The following TSHZ3 variants were observed in gnomAD, a reference collection of about 807,000 sequenced individuals.
The protein encoded by TSHZ3 is teashirt zinc finger homeobox 3.
In TSHZ3, 10 loss-of-function variants were observed where a neutral mutation model predicts 64.5. The ratio of observed to expected loss-of-function variants is 0.16; its 90% CI spans 0.10 to 0.26. The LOEUF is 0.26. Ranked by LOEUF, TSHZ3 falls within the 10% of genes least tolerant of loss-of-function variation. The probability of loss-of-function intolerance (pLI) is 1.00; values close to 1 mark genes in which losing one functional copy is unlikely to be tolerated. For missense variants in TSHZ3, 1,242 were observed against 1,421.7 expected, an observed-to-expected ratio of 0.87 and a Z score of 2.03; for synonymous variants, 608 against 593.1, an observed-to-expected ratio of 1.03 and a Z score of -0.36.
chr19:31,237,624 T>C (rs1975636277), intron 3 of TSHZ3, among the ~76,000 whole-genome samples: 1 of 152,190 alleles, frequency 6.6e-6, no homozygotes, highest in Non-Finnish European at 1.5e-5. Flanking sequence ...CTTATTTATA[T>C]TAATTCTGTC....
At chr19:31,248,619 C>CAAA (rs35503682) in intron 1 of TSHZ3, among the ~76,000 whole-genome samples, 38,448 of 142,386 alleles carry the variant, frequency 0.27, 6,118 homozygotes, top group African/African-American at 0.44. Context: ...TTATTTCTAC[C>CAAA]AAAAAAAAAA....
chr19:31,164,469 C>T (rs1333106637), intron 5 of TSHZ3, among the ~76,000 whole-genome samples: 3 of 152,198 alleles, frequency 2.0e-5, no homozygotes, highest in Non-Finnish European at 4.4e-5. Context: ...CAGCCACCTA[C>T]AGCCTAGCAC....
At chr19:31,238,489 C>T (rs1975648704) in intron 3 of TSHZ3, among the ~76,000 whole-genome samples, 1 of 152,210 alleles carries the variant, frequency 6.6e-6, no homozygotes, top group East Asian at 1.9e-4. Context: ...CTCCTGACCT[C>T]GAGTGATCTG....
rs573732780 is a variant in TSHZ3, at chr19:31,346,258, C to A, written c.40+2922G>T. On this transcript the variant is annotated intron_variant, in intron 1 of 1. Transcript: ENST00000240587. ...TTGTGGTTGTTATTCTACCCTAGACCATTAAAAGGGCCCTAATTCCTATGA... is the reference window on the plus strand; with the variant it reads ...TTGTGGTTGTTATTCTACCCTAGACAATTAAAAGGGCCCTAATTCCTATGA... 5.3e-5 allele frequency among the ~76,000 whole-genome samples: 8 copies of A among 152,248 alleles called. 1 individual carries two copies. The South Asian group carries it at 1.7e-3, about 32-fold the overall frequency.
chr19:31,167,347 G>A (rs774630329), intron 5 of TSHZ3, among the ~76,000 whole-genome samples: 4 of 152,134 alleles, frequency 2.6e-5, no homozygotes, highest in Non-Finnish European at 4.4e-5. Flanking sequence ...CTTCAAATCT[G>A]AGAGATTGAA....
intron 1 of TSHZ3, chr19:31,308,747 C>A (rs1916368882): frequency 5.0e-6 from 2 of 398,614 alleles, no homozygotes; most frequent in Non-Finnish European, 8.8e-6. Context: ...CCGTCTAAGA[C>A]CCCTGCTGAA....
chr19:31,341,282 T>C (rs1482573465), intron 1 of TSHZ3, among the ~76,000 whole-genome samples: 3 of 152,184 alleles, frequency 2.0e-5, no homozygotes, highest in South Asian at 2.1e-4. Flanking sequence ...ATGTACATAA[T>C]GTACATGTGT....
At chr19:31,297,376 A>G (rs1976681547) in intron 1 of TSHZ3, among the ~76,000 whole-genome samples, 1 of 152,172 alleles carries the variant, frequency 6.6e-6, no homozygotes, top group Non-Finnish European at 1.5e-5. Flanking sequence ...TGAAGACTGA[A>G]TAAGATAACT....
chr19:31,266,351 C>T (rs1038337880), intron 1 of TSHZ3, among the ~76,000 whole-genome samples: 2 of 152,128 alleles, frequency 1.3e-5, no homozygotes, highest in African/African-American at 2.4e-5. Context: ...GTGGTCCCAG[C>T]TACTAGGGAG....
At chr19:31,326,851 C>T (rs574491890) in intron 1 of TSHZ3, among the ~76,000 whole-genome samples, 309 of 152,332 alleles carry the variant, frequency 2.0e-3, no homozygotes, top group Non-Finnish European at 3.6e-3. Context: ...AAATAAATAT[C>T]CTCCCCAAGT....
At chr19:31,350,288 T>G (rs1193968613), upstream of TSHZ3, among the ~76,000 whole-genome samples, 3 of 149,276 alleles carry the variant, frequency 2.0e-5, no homozygotes, top group African/African-American at 7.4e-5. Context: ...GGACCCGCCG[T>G]AGCCACTTCC....
At chr19:31,299,040 C>T (rs886971292) in intron 1 of TSHZ3, among the ~76,000 whole-genome samples, 14 of 152,226 alleles carry the variant, frequency 9.2e-5, no homozygotes, top group Non-Finnish European at 7.4e-5. Flanking sequence ...ACTAAAGGTA[C>T]GAAAATTAGC....
intron 1 of TSHZ3, among the ~76,000 whole-genome samples, chr19:31,300,156 A>C (rs149492446): frequency 2.0e-5 from 3 of 152,272 alleles, no homozygotes; most frequent in East Asian, 1.9e-4. Context: ...ATTCTGGTAC[A>C]TTGTGATCGA....
chr19:31,302,333 G>C (rs1025827595), intron 1 of TSHZ3, among the ~76,000 whole-genome samples: 1 of 152,142 alleles, frequency 6.6e-6, no homozygotes, highest in African/African-American at 2.4e-5. Context: ...AAGACAGCAC[G>C]GTGTGTGAAT....
At chr19:31,226,089 G>A (rs921598496) in intron 4 of TSHZ3, among the ~76,000 whole-genome samples, 4 of 150,730 alleles carry the variant, frequency 2.7e-5, no homozygotes, top group African/African-American at 9.8e-5. Flanking sequence ...TCATGCCACT[G>A]CACTTCACCC....
At chr19:31,297,385 C>G (rs951138877) in intron 1 of TSHZ3, among the ~76,000 whole-genome samples, 1 of 151,864 alleles carries the variant, frequency 6.6e-6, no homozygotes, top group African/African-American at 2.4e-5. Flanking sequence ...AATAAGATAA[C>G]TACCAAGAGT....
intron 5 of TSHZ3, among the ~76,000 whole-genome samples, chr19:31,181,560 G>A (rs1205990483): frequency 1.3e-5 from 2 of 152,128 alleles, no homozygotes; most frequent in Non-Finnish European, 2.9e-5. Context: ...GGGGCATTAA[G>A]GAGCTAGACT....
chr19:31,206,207 G>C (rs565003810), intron 4 of TSHZ3, among the ~76,000 whole-genome samples: 1 of 152,120 alleles, frequency 6.6e-6, no homozygotes, highest in South Asian at 2.1e-4. Flanking sequence ...CTGGATGAAT[G>C]AATAAATGGG....
chr19:31,261,561 A>G (rs538551635), intron 1 of TSHZ3, among the ~76,000 whole-genome samples: 1 of 152,282 alleles, frequency 6.6e-6, no homozygotes, highest in East Asian at 1.9e-4. Context: ...TCCTTTCAAA[A>G]ATGTGTTTCT....
Sources: allele counts gnomAD v4.1 joint callset (sites outside exome capture counted in the v4.1 genomes callset), GRCh38; gene constraint gnomAD v4.1.1; transcripts MANE v1.5; gene names NCBI Gene and HGNC (gene_info 2026-07-23, HGNC 2026-07-21).